Variants in FSTL5 observed in about 807,000 individuals in gnomAD.
FSTL5 encodes follistatin like 5, also known as follistatin-related protein 5.
A neutral mutation model predicts 89.1 loss-of-function variants in FSTL5; 62 were observed. The ratio of observed to expected loss-of-function variants is 0.70; its 90% CI spans 0.57 to 0.86. The LOEUF (loss-of-function observed/expected upper bound fraction) is 0.86. FSTL5 is among the 40% of genes least tolerant of loss of function. The pLI is 0.00. For missense variants in FSTL5, 1,057 were observed against 1,001.6 expected (o/e 1.06, Z -0.75); for synonymous variants, 383 against 346.2 (o/e 1.11, Z -1.18).
At chr4:161,721,555 A>T (rs1739219159) in intron 6 of FSTL5, among the ~76,000 whole-genome samples, 1 of 152,128 alleles carries the variant, frequency 6.6e-6, no homozygotes, top group South Asian at 2.1e-4. Context: ...GGGGTTTCAA[A>T]AATGCCAAAC....
At chr4:161,490,779 A>G (rs1330910692) in intron 12 of FSTL5, among the ~76,000 whole-genome samples, 1 of 152,182 alleles carries the variant, frequency 6.6e-6, no homozygotes, top group East Asian at 1.9e-4. Context: ...ATTCACACAT[A>G]AATTTGTTCT....
At chr4:161,591,975 C>T (rs748656491) in intron 7 of FSTL5, among the ~76,000 whole-genome samples, 6 of 152,166 alleles carry the variant, frequency 3.9e-5, no homozygotes, top group Admixed American at 2.0e-4. Flanking sequence ...CACCACACTG[C>T]CTTCCTTGTC....
At chr4:161,553,311 A>G (rs1439588415) in intron 8 of FSTL5, among the ~76,000 whole-genome samples, 1 of 151,458 alleles carries the variant, frequency 6.6e-6, no homozygotes, top group East Asian at 1.9e-4. Context: ...AGTTGACATT[A>G]CATATTAAAA....
intron 3 of FSTL5, among the ~76,000 whole-genome samples, chr4:161,940,598 G>A (rs1734554296): frequency 6.6e-6 from 1 of 151,604 alleles, no homozygotes; most frequent in Non-Finnish European, 1.5e-5. Flanking sequence ...GAGGCCAGAG[G>A]TAGTTGGAAG....
intron 6 of FSTL5, among the ~76,000 whole-genome samples, chr4:161,675,156 G>A (rs1035683020): frequency 3.3e-5 from 5 of 152,140 alleles, no homozygotes; most frequent in South Asian, 2.1e-4. Flanking sequence ...ACTAAAAAAC[G>A]TAACAATTGA....
At chr4:161,986,605 AAGAG>A in intron 3 of FSTL5, among the ~76,000 whole-genome samples, 1 of 152,204 alleles carries the variant, frequency 6.6e-6, no homozygotes, top group South Asian at 2.1e-4. Context: ...TGCATTTTGA[AAGAG>A]AGATTTTGTA....
intron 11 of FSTL5, among the ~76,000 whole-genome samples, chr4:161,508,503 A>G (rs764586208): frequency 2.0e-5 from 3 of 152,168 alleles, no homozygotes; most frequent in Non-Finnish European, 4.4e-5. Context: ...GATGCATAAG[A>G]ACATTATTCT....
At chr4:161,413,963 T>C (rs1731687258) in intron 15 of FSTL5, among the ~76,000 whole-genome samples, 1 of 152,150 alleles carries the variant, frequency 6.6e-6, no homozygotes, top group Non-Finnish European at 1.5e-5. Flanking sequence ...ACCTACTGGG[T>C]ACCATGCTAG....
At chr4:162,128,913 T>C (rs1286830683) in intron 1 of FSTL5, among the ~76,000 whole-genome samples, 1 of 139,562 alleles carries the variant, frequency 7.2e-6, no homozygotes, top group Non-Finnish European at 1.5e-5. Flanking sequence ...TACCTTACTG[T>C]TTGAGACTTT....
chr4:161,731,975 A>G (rs2126762984), intron 6 of FSTL5, among the ~76,000 whole-genome samples: 1 of 152,122 alleles, frequency 6.6e-6, no homozygotes, highest in South Asian at 2.1e-4. Context: ...TTTGTGTGAC[A>G]TTGACTTTCA....
At chr4:161,746,376 AC>A (rs1194878560) in intron 6 of FSTL5, among the ~76,000 whole-genome samples, 1 of 152,016 alleles carries the variant, frequency 6.6e-6, no homozygotes, top group Non-Finnish European at 1.5e-5. Context: ...ACCCAACTCC[AC>A]TTGTTCAAGC....
intron 13 of FSTL5, among the ~76,000 whole-genome samples, chr4:161,474,481 G>T (rs1323168890): frequency 6.6e-6 from 1 of 150,872 alleles, no homozygotes; most frequent in Non-Finnish European, 1.5e-5. Flanking sequence ...TTTTGTGATT[G>T]TCCATGTATT....
chr4:161,484,934 C>A (rs537598154), intron 12 of FSTL5, among the ~76,000 whole-genome samples: 1 of 152,154 alleles, frequency 6.6e-6, no homozygotes, highest in East Asian at 1.9e-4. Context: ...GGCCCACTGC[C>A]TAATTTGATA....
At chr4:161,705,799 AATG>A (rs1315935936) in intron 6 of FSTL5, among the ~76,000 whole-genome samples, 1 of 150,534 alleles carries the variant, frequency 6.6e-6, no homozygotes, top group Non-Finnish European at 1.5e-5. Context: ...TAGTTACTAT[AATG>A]ATGATTTTAT....
intron 7 of FSTL5, among the ~76,000 whole-genome samples, chr4:161,655,514 C>G (rs1228286275): frequency 6.6e-6 from 1 of 152,044 alleles, no homozygotes; most frequent in East Asian, 1.9e-4. Flanking sequence ...GAATGTGTTT[C>G]ATAGGTATTA....
intron 6 of FSTL5, among the ~76,000 whole-genome samples, chr4:161,750,372 G>C (rs560736526): frequency 6.6e-6 from 1 of 152,116 alleles, no homozygotes; most frequent in African/African-American, 2.4e-5. Context: ...ATATACACCA[G>C]GTTTCAAAGA....
At chr4:161,624,354 T>G (rs1017609573) in intron 7 of FSTL5, among the ~76,000 whole-genome samples, 26 of 152,018 alleles carry the variant, frequency 1.7e-4, no homozygotes, top group African/African-American at 6.3e-4. Flanking sequence ...TACGTATGTA[T>G]CCATAGATAA....
intron 3 of FSTL5, among the ~76,000 whole-genome samples, chr4:162,009,296 C>G (rs1410587595): frequency 2.0e-5 from 3 of 152,054 alleles, no homozygotes; most frequent in Non-Finnish European, 4.4e-5. Context: ...TGTAATATCT[C>G]TTCTCAACTT....
intron 5 of FSTL5, among the ~76,000 whole-genome samples, chr4:161,766,413 A>G (rs192397494): frequency 2.1e-3 from 321 of 152,296 alleles, no homozygotes; most frequent in Non-Finnish European, 2.4e-3. Flanking sequence ...GATGCCAGAA[A>G]TAGTTGCCTA....
Sources: gnomAD v4.1 joint callset for allele counts (sites outside exome capture counted in the v4.1 genomes callset) on GRCh38, gnomAD v4.1.1 for gene constraint, MANE v1.5 for transcripts, NCBI Gene and HGNC (gene_info 2026-07-23, HGNC 2026-07-21) for gene names.